The following RGL1 variants were observed in gnomAD, a reference collection of about 807,000 sequenced individuals.
The protein encoded by RGL1 is ral guanine nucleotide dissociation stimulator-like 1.
In RGL1, 24 loss-of-function variants were observed where a neutral mutation model predicts 95.2. That is an observed-to-expected ratio of 0.25 (90% confidence interval 0.18 to 0.35). The LOEUF is 0.35. Ranked by LOEUF, RGL1 falls within the 10% of genes least tolerant of loss-of-function variation. The probability of loss-of-function intolerance (pLI) is 1.00; values close to 1 mark genes in which losing one functional copy is unlikely to be tolerated. For missense variants in RGL1, 715 were observed against 936.3 expected, an observed-to-expected ratio of 0.76 and a Z score of 3.08; for synonymous variants, 329 against 344.9, an observed-to-expected ratio of 0.95 and a Z score of 0.51.
At chr1:183,923,067 G>A (rs1221408366) in intron 17 of RGL1, among the ~76,000 whole-genome samples, 2 of 152,214 alleles carry the variant, frequency 1.3e-5, no homozygotes, top group Non-Finnish European at 1.5e-5. Flanking sequence ...TTCACAGACA[G>A]TGACTGTCAG....
chr1:183,911,696 C>T (rs995955724), intron 14 of RGL1, among the ~76,000 whole-genome samples: 1 of 152,142 alleles, frequency 6.6e-6, no homozygotes, highest in Non-Finnish European at 1.5e-5. Flanking sequence ...AGTCTTCCTC[C>T]TTGGTTTCTT....
intron 1 of RGL1, among the ~76,000 whole-genome samples, chr1:183,704,675 G>C (rs1487092572): frequency 6.6e-6 from 1 of 152,232 alleles, no homozygotes; most frequent in Non-Finnish European, 1.5e-5. Flanking sequence ...GCCAGGTTTA[G>C]ACAGGAGCTG....
At chr1:183,896,405 G>T (rs1667704828) in intron 9 of RGL1, among the ~76,000 whole-genome samples, 2 of 152,196 alleles carry the variant, frequency 1.3e-5, no homozygotes, top group African/African-American at 4.8e-5. Flanking sequence ...TCATTAAATA[G>T]TGGCTCTCTT....
upstream of RGL1, chr1:183,805,114 C>A: frequency 1.6e-6 from 1 of 641,222 alleles, no homozygotes; most frequent in South Asian, 6.1e-5. Context: ...TCGCCGCGCT[C>A]CCTTTGTGGC....
Position 183,912,234 on chromosome 1 carries a change from C to G in RGL1, c.1715C>G (p.Thr572Ser). Residue 572 changes from threonine (T) to serine (S), a missense_variant, in exon 15 of 18, where the codon ACT becomes AGT. By Grantham distance (58) the Thr-to-Ser change is moderately conservative. Coordinates refer to ENST00000360851, the MANE Select transcript of RGL1 (RefSeq NM_001297671.3). ...TCAGAGGCTGAGGAGGGCTCCATTA[C>G]TCCCATGGACACCCCTGATGAGCCT... is the stretch of plus-strand genomic sequence containing the variant. Reference protein sequence around the residue: ...NHSEAEEGSITPMDTPDEPQK... With the variant: ...NHSEAEEGSISPMDTPDEPQK... The G allele has an allele frequency of 6.2e-7, 1 of 1,614,080 alleles. No individual in the cohort carries two copies. Among genetic ancestry groups the G allele is most frequent in the South Asian group, 1.1e-5 (1 of 91,074 alleles).
At chr1:183,879,876 A>G (rs1666724499) in intron 4 of RGL1, among the ~76,000 whole-genome samples, 1 of 152,226 alleles carries the variant, frequency 6.6e-6, no homozygotes, top group Non-Finnish European at 1.5e-5. Flanking sequence ...AGCTGTGCAC[A>G]TACAAATGAC....
chr1:183,734,884 C>A (rs12075414), intron 1 of RGL1, among the ~76,000 whole-genome samples: 3 of 152,182 alleles, frequency 2.0e-5, no homozygotes, highest in East Asian at 1.9e-4. Context: ...CTCCCTTCCC[C>A]ACGTCTGTCT....
At chr1:183,820,640 C>A (rs944296297) in intron 2 of RGL1, among the ~76,000 whole-genome samples, 4 of 152,146 alleles carry the variant, frequency 2.6e-5, no homozygotes, top group African/African-American at 7.2e-5. Context: ...AATATGGTAA[C>A]AACTAGCCAT....
intron 1 of RGL1, among the ~76,000 whole-genome samples, chr1:183,691,284 C>T (rs771072477): frequency 1.3e-5 from 2 of 152,180 alleles, no homozygotes; most frequent in Admixed American, 6.5e-5. Context: ...TGGAGCCCCT[C>T]TTTGGGCCAT....
At chr1:183,812,579 AG>A (rs1661798167) in intron 2 of RGL1, among the ~76,000 whole-genome samples, 1 of 152,244 alleles carries the variant, frequency 6.6e-6, no homozygotes, top group Non-Finnish European at 1.5e-5. Context: ...CAAGTAAGTG[AG>A]GGAGACAAAG....
chr1:183,757,057 G>A (rs1451376822), intron 2 of RGL1, among the ~76,000 whole-genome samples: 1 of 150,186 alleles, frequency 6.7e-6, no homozygotes, highest in Non-Finnish European at 1.5e-5. Context: ...GAATTTGCAC[G>A]GAGTCATCCA....
intron 4 of RGL1, among the ~76,000 whole-genome samples, chr1:183,874,848 C>G (rs542503489): frequency 6.6e-6 from 1 of 152,174 alleles, no homozygotes; most frequent in African/African-American, 2.4e-5. Context: ...CAGCTTCTAT[C>G]TGGCAACCTT....
chr1:183,682,627 G>A (rs891575317), intron 1 of RGL1, among the ~76,000 whole-genome samples: 9 of 152,146 alleles, frequency 5.9e-5, no homozygotes, highest in Non-Finnish European at 1.3e-4. Flanking sequence ...GAGGTGCTGA[G>A]AAGAATGTAT....
Position 183,897,867 on chromosome 1 carries a change from C to G in RGL1, c.1200C>G (p.Thr400=). ...DSSVKENQKR[T]QRRLQLQKDM... ...GTGTGAAAGAAAACCAGAAGCGTACCCAGAGGCGGCTGCAGCTCCAGAAGG... is the reference window on the plus strand; with the variant it reads ...GTGTGAAAGAAAACCAGAAGCGTACGCAGAGGCGGCTGCAGCTCCAGAAGG... The change falls in exon 10 of 18, where the codon ACC becomes ACG. Residue 400 remains threonine, a synonymous_variant. Coordinates refer to ENST00000360851, the MANE Select transcript of RGL1 (RefSeq NM_001297671.3). The G allele has an allele frequency of 6.2e-7, 1 of 1,613,886 alleles. No homozygotes were observed. The highest frequency in any genetic ancestry group is 8.5e-7 in the Non-Finnish European group (1 of 1,179,874).
intron 1 of RGL1, among the ~76,000 whole-genome samples, chr1:183,671,670 A>G (rs1652462231): frequency 6.6e-6 from 1 of 152,104 alleles, no homozygotes; most frequent in African/African-American, 2.4e-5. Context: ...GAAATTTGAT[A>G]TTTAAATTAT....
At chr1:183,652,556 C>T (rs530140289) in intron 1 of RGL1, among the ~76,000 whole-genome samples, 1 of 152,228 alleles carries the variant, frequency 6.6e-6, no homozygotes, top group Admixed American at 6.5e-5. Context: ...TTGTTATCGA[C>T]CACAGATTAT....
intron 1 of RGL1, among the ~76,000 whole-genome samples, chr1:183,664,822 G>A (rs1023014643): frequency 6.6e-6 from 1 of 152,056 alleles, no homozygotes; most frequent in Non-Finnish European, 1.5e-5. Flanking sequence ...AGATGATCAT[G>A]TCATCTGCAA....
chr1:183,655,965 G>T (rs113537163), intron 1 of RGL1, among the ~76,000 whole-genome samples: 5 of 152,214 alleles, frequency 3.3e-5, no homozygotes, highest in African/African-American at 7.2e-5. Context: ...GTGATGGGAG[G>T]CCATTGTTTT....
intron 2 of RGL1, among the ~76,000 whole-genome samples, chr1:183,750,104 C>T (rs944572071): frequency 6.6e-6 from 1 of 152,172 alleles, no homozygotes; most frequent in Non-Finnish European, 1.5e-5. Context: ...GAATGTTGGC[C>T]TGTCTTGCTA....
Sources: allele counts gnomAD v4.1 joint callset (sites outside exome capture counted in the v4.1 genomes callset), GRCh38; gene constraint gnomAD v4.1.1; transcripts MANE v1.5; gene names NCBI Gene and HGNC (gene_info 2026-07-23, HGNC 2026-07-21).